Variants in DMRT1 observed in about 807,000 individuals in gnomAD.
DMRT1 encodes doublesex and mab-3 related transcription factor 1.
DMRT1 carries 7 observed loss-of-function variants against 32.3 expected under a neutral mutation model. That is an observed-to-expected ratio of 0.22 (90% CI 0.12 to 0.41). The LOEUF is 0.41. Ranked by LOEUF, DMRT1 falls within the 10% of genes least tolerant of loss-of-function variation. DMRT1 has a pLI of 1.00. For synonymous variants in DMRT1, 278 were observed against 206.1 expected (o/e 1.35, Z -2.99); for missense variants, 625 against 500.5 (o/e 1.25, Z -2.37).
At chr9:862,393 C>G (rs1340284578) in intron 2 of DMRT1, among the ~76,000 whole-genome samples, 1 of 151,690 alleles carries the variant, frequency 6.6e-6, no homozygotes, top group Non-Finnish European at 1.5e-5. Flanking sequence ...CCCAGGCACG[C>G]GGCAGGCTGA....
chr9:937,326 T>C (rs1040202944), intron 4 of DMRT1, among the ~76,000 whole-genome samples: 1 of 152,242 alleles, frequency 6.6e-6, no homozygotes, highest in African/African-American at 2.4e-5. Flanking sequence ...AGTATCTGTG[T>C]GAGTACCTGC....
intron 2 of DMRT1, among the ~76,000 whole-genome samples, chr9:862,010 T>A (rs1415815387): frequency 7.0e-6 from 1 of 142,978 alleles, no homozygotes; most frequent in Non-Finnish European, 1.5e-5. Flanking sequence ...TGCTCCTCAC[T>A]TCCCAGACTG....
chr9:939,263 C>G (rs901853019), intron 4 of DMRT1, among the ~76,000 whole-genome samples: 3 of 152,236 alleles, frequency 2.0e-5, no homozygotes, highest in African/African-American at 7.2e-5. Context: ...TACCAGGCCA[C>G]TAAGGACCTC....
At chr9:918,772 G>A (rs987380913) in intron 4 of DMRT1, among the ~76,000 whole-genome samples, 1 of 152,232 alleles carries the variant, frequency 6.6e-6, no homozygotes, top group African/African-American at 2.4e-5. Flanking sequence ...TCGAGAAGGA[G>A]TGTACAAATA....
intron 2 of DMRT1, among the ~76,000 whole-genome samples, chr9:851,561 A>G (rs2132553571): frequency 6.6e-6 from 1 of 152,230 alleles, no homozygotes; most frequent in African/African-American, 2.4e-5. Flanking sequence ...AAGTCCTTGA[A>G]GTTTCTTAGT....
At chr9:863,181 G>A (rs1039890916) in intron 2 of DMRT1, among the ~76,000 whole-genome samples, 1 of 151,256 alleles carries the variant, frequency 6.6e-6, no homozygotes, top group African/African-American at 2.4e-5. Flanking sequence ...AGCCAGGTGT[G>A]GGGGTGGCTG....
At chr9:854,428 C>G (rs909026238) in intron 2 of DMRT1, among the ~76,000 whole-genome samples, 1 of 151,756 alleles carries the variant, frequency 6.6e-6, no homozygotes, top group African/African-American at 2.4e-5. Flanking sequence ...GGACTACAGG[C>G]GCATGCAACC....
intron 4 of DMRT1, among the ~76,000 whole-genome samples, chr9:921,286 A>G (rs577865376): frequency 6.6e-6 from 1 of 152,296 alleles, no homozygotes; most frequent in East Asian, 1.9e-4. Flanking sequence ...AAATGTTTTC[A>G]TGATTCAGCT....
chr9:930,716 A>G (rs1197413714), intron 4 of DMRT1, among the ~76,000 whole-genome samples: 3 of 152,018 alleles, frequency 2.0e-5, no homozygotes, highest in African/African-American at 7.2e-5. Context: ...CCAATTTTAA[A>G]AAATTTTTTG....
intron 2 of DMRT1, among the ~76,000 whole-genome samples, chr9:850,052 C>T (rs1163938449): frequency 1.3e-5 from 2 of 152,220 alleles, no homozygotes; most frequent in African/African-American, 4.8e-5. Flanking sequence ...CTCCCGACCT[C>T]AGGTGATCTG....
At chr9:944,753 G>C (rs954772585) in intron 4 of DMRT1, among the ~76,000 whole-genome samples, 1 of 152,068 alleles carries the variant, frequency 6.6e-6, no homozygotes, top group Non-Finnish European at 1.5e-5. Flanking sequence ...TACTATATTT[G>C]TGCACCCATT....
At chr9:952,941 A>G (rs980301468) in intron 4 of DMRT1, among the ~76,000 whole-genome samples, 2 of 152,196 alleles carry the variant, frequency 1.3e-5, no homozygotes, top group Non-Finnish European at 2.9e-5. Context: ...TTAAAGCCGA[A>G]AGGGTTTTTT....
intron 4 of DMRT1, among the ~76,000 whole-genome samples, chr9:934,496 T>A (rs113157098): frequency 6.6e-6 from 1 of 152,016 alleles, no homozygotes; most frequent in East Asian, 1.9e-4. Flanking sequence ...ACACCAGCGC[T>A]CTCCAGCTTG....
At chr9:845,311 G>A (rs988314498) in intron 1 of DMRT1, among the ~76,000 whole-genome samples, 14 of 152,082 alleles carry the variant, frequency 9.2e-5, no homozygotes, top group African/African-American at 3.1e-4. Flanking sequence ...CTGGCTTCAA[G>A]TAATTCTCCT....
chr9:949,026 G>A (rs986599547), intron 4 of DMRT1, among the ~76,000 whole-genome samples: 5 of 151,956 alleles, frequency 3.3e-5, no homozygotes, highest in Admixed American at 2.0e-4. Context: ...CCGGGAGGCA[G>A]AGGTTGTGGT....
In DMRT1 at chr9:968,019, G is replaced by A. The variant is rs1180993536; in HGVS notation, c.1002G>A (p.Leu334=). The A allele has an allele frequency of 1.7e-5, 28 of 1,613,908 alleles. No individual in the cohort carries two copies. Among genetic ancestry groups the A allele is most frequent in the Non-Finnish European group, 2.3e-5 (27 of 1,180,032 alleles). ...FSPPSSQDSG[L]VSLSSSSPIS... is the part of the protein sequence containing the mutation. ...CGCCCAGCAGTCAAGATTCTGGCTT[G>A]GTTTCCCTCTCGAGCAGCTCTCCTA... Residue 334 remains leucine, a synonymous_variant, in exon 5 of 5, where the codon TTG becomes TTA. Coordinates refer to ENST00000382276, the MANE Select transcript of DMRT1 (RefSeq NM_021951.3).
intron 2 of DMRT1, among the ~76,000 whole-genome samples, chr9:851,948 T>G (rs775323265): frequency 6.8e-5 from 1 of 14,760 alleles, no homozygotes; most frequent in Non-Finnish European, 3.0e-4. Flanking sequence ...TTTTTTTTTG[T>G]TTTTTTTTTT....
chr9:927,917 C>A (rs553608348), intron 4 of DMRT1, among the ~76,000 whole-genome samples: 127 of 152,262 alleles, frequency 8.3e-4, no homozygotes, highest in African/African-American at 2.9e-3. Context: ...TTGGAATGTC[C>A]GTTTGATAGG....
At chr9:946,361 C>G (rs1819245441) in intron 4 of DMRT1, among the ~76,000 whole-genome samples, 1 of 152,106 alleles carries the variant, frequency 6.6e-6, no homozygotes, top group African/African-American at 2.4e-5. Context: ...GAAATGGAGT[C>G]TAGTGGTGGT....
Sources: allele counts gnomAD v4.1 joint callset (sites outside exome capture counted in the v4.1 genomes callset), GRCh38; gene constraint gnomAD v4.1.1; transcripts MANE v1.5; gene names NCBI Gene and HGNC (gene_info 2026-07-23, HGNC 2026-07-21).